The following FAM193A variants were observed in gnomAD, a reference collection of about 807,000 sequenced individuals.
FAM193A encodes protein FAM193A.
FAM193A carries 22 observed loss-of-function variants against 126.5 expected under a neutral mutation model. The ratio of observed to expected loss-of-function variants is 0.17; its 90% CI spans 0.12 to 0.25. The LOEUF (loss-of-function observed/expected upper bound fraction) is 0.25, where lower values mean the gene tolerates loss of function less well. Ranked by LOEUF, FAM193A falls within the 10% of genes least tolerant of loss-of-function variation. The probability of loss-of-function intolerance (pLI) is 1.00; values close to 1 mark genes in which losing one functional copy is unlikely to be tolerated. For missense variants in FAM193A, 1,675 were observed against 1,672.8 expected (o/e 1.00, Z -0.02); for synonymous variants, 761 against 646.8 (o/e 1.18, Z -2.68).
intron 1 of FAM193A, among the ~76,000 whole-genome samples, chr4:2,554,388 G>T (rs902981559): frequency 1.5e-4 from 23 of 152,048 alleles, no homozygotes; most frequent in African/African-American, 5.3e-4. Flanking sequence ...CCGGCCACCT[G>T]TATCTCTCTA....
chr4:2,578,187 T>C (rs919569947), intron 1 of FAM193A, among the ~76,000 whole-genome samples: 26 of 152,150 alleles, frequency 1.7e-4, no homozygotes, highest in African/African-American at 6.3e-4. Flanking sequence ...CACCTCAGCC[T>C]CCTTGAGTAG....
intron 1 of FAM193A, among the ~76,000 whole-genome samples, chr4:2,556,142 C>T (rs1382570928): frequency 4.0e-5 from 6 of 149,706 alleles, no homozygotes; most frequent in East Asian, 4.0e-4. Context: ...GTGATCCGTC[C>T]GCCTTGGCCT....
intron 1 of FAM193A, among the ~76,000 whole-genome samples, chr4:2,582,924 C>T (rs114167313): frequency 0.027 from 4,072 of 152,136 alleles, 186 homozygotes; most frequent in African/African-American, 0.092. Context: ...AAGTGTGTAG[C>T]GGTAGTGAGA....
chr4:2,666,126 G>A (rs191997694), intron 12 of FAM193A, among the ~76,000 whole-genome samples: 1 of 152,248 alleles, frequency 6.6e-6, no homozygotes, highest in East Asian at 1.9e-4. Flanking sequence ...TCAAGTATAG[G>A]TTTTTCATAG....
At position 2,581,891 on chromosome 4, in the gene FAM193A, G is replaced by A. The variant is rs181892026; in HGVS notation, c.256-14193G>A. Among the ~76,000 whole-genome samples, 490 of 150,130 alleles carry A rather than the reference G, an allele frequency of 3.3e-3. 3 individuals are homozygous for A. Among genetic ancestry groups the A allele is most frequent in the African/African-American group, 0.011 (468 of 40,858 alleles). ...GATGGTCTCAGTCTCCTGACCTCGTGATCTGCCTGCCTCGGCCTCCCAAAG... is the reference window on the plus strand; with the variant it reads ...GATGGTCTCAGTCTCCTGACCTCGTAATCTGCCTGCCTCGGCCTCCCAAAG... On this transcript the variant is annotated intron_variant, in intron 1 of 20. Transcript: ENST00000637812.
chr4:2,575,946 C>G (rs1421921523), intron 1 of FAM193A, among the ~76,000 whole-genome samples: 1 of 152,108 alleles, frequency 6.6e-6, no homozygotes, highest in Admixed American at 6.6e-5. Flanking sequence ...GGTCTCTGCC[C>G]TCAGGAGGCT....
intron 17 of FAM193A, among the ~76,000 whole-genome samples, chr4:2,695,343 T>G (rs1372177550): frequency 1.3e-5 from 2 of 152,184 alleles, no homozygotes; most frequent in Non-Finnish European, 2.9e-5. Flanking sequence ...AACTGGTAAA[T>G]CAGCAGTGAG....
intron 13 of FAM193A, among the ~76,000 whole-genome samples, chr4:2,684,062 A>G (rs576933342): frequency 1.3e-5 from 2 of 152,290 alleles, no homozygotes; most frequent in Admixed American, 6.5e-5. Flanking sequence ...CATGCTGTCT[A>G]CTTTTTCCAT....
chr4:2,597,527 G>T (rs1740934339), intron 2 of FAM193A, among the ~76,000 whole-genome samples: 1 of 152,158 alleles, frequency 6.6e-6, no homozygotes, highest in Non-Finnish European at 1.5e-5. Context: ...AAGTGCCTAT[G>T]GTTCCCTGCA....
chr4:2,627,614 G>C (rs1036665468), intron 4 of FAM193A, among the ~76,000 whole-genome samples: 20 of 121,332 alleles, frequency 1.6e-4, no homozygotes, highest in Non-Finnish European at 3.2e-4. Flanking sequence ...GTCTCACTCT[G>C]TCGCCCAGGC....
chr4:2,589,550 C>G (rs544889149), intron 1 of FAM193A, among the ~76,000 whole-genome samples: 49 of 152,240 alleles, frequency 3.2e-4, no homozygotes, highest in Non-Finnish European at 5.9e-4. Flanking sequence ...TTATAAATTG[C>G]TAGATATTTA....
intron 5 of FAM193A, among the ~76,000 whole-genome samples, chr4:2,638,421 G>T (rs1275710455): frequency 6.6e-6 from 1 of 152,206 alleles, no homozygotes; most frequent in East Asian, 1.9e-4. Context: ...CTCCTGCCAC[G>T]TGCATTTTTC....
rs759734987 is a variant in FAM193A at position 2,599,902 on chromosome 4, A to AT, written c.501+3588dup. ...AGGCATGCGCCATCACACCTGGCTA[A>AT]TTTTTTTTTTTTTTTAGAGACACAG... On this transcript the variant is annotated intron_variant, in intron 2 of 20. Transcript: ENST00000637812. Among the ~76,000 whole-genome samples the AT allele has an allele frequency of 3.0e-3, 423 of 142,888 alleles. 2 individuals are homozygous for AT. The highest frequency in any genetic ancestry group is 5.9e-3 in the African/African-American group (229 of 38,988). 93.7% of individuals were successfully genotyped at this position (142,888 alleles called of 152,430 possible).
At chr4:2,543,893 A>AAC (rs1737391532) in intron 1 of FAM193A, among the ~76,000 whole-genome samples, 1 of 143,506 alleles carries the variant, frequency 7.0e-6, no homozygotes, top group Non-Finnish European at 1.5e-5. Context: ...AAAAAAAAAA[A>AAC]AACCAAAAAA....
chr4:2,587,630 G>A (rs1269394920), intron 1 of FAM193A, among the ~76,000 whole-genome samples: 1 of 152,170 alleles, frequency 6.6e-6, no homozygotes, highest in African/African-American at 2.4e-5. Context: ...GGTGGTGGAG[G>A]TTGCAGCGAG....
At chr4:2,596,397 C>A in intron 2 of FAM193A, 68 bp downstream of exon 2, 2 of 665,560 alleles carry the variant, frequency 3.0e-6, no homozygotes, top group South Asian at 1.6e-5. Flanking sequence ...GGGTAACTGG[C>A]AGTGAAAGAA....
intron 5 of FAM193A, among the ~76,000 whole-genome samples, chr4:2,633,390 C>G (rs1376502751): frequency 6.6e-6 from 1 of 151,684 alleles, no homozygotes; most frequent in Non-Finnish European, 1.5e-5. Context: ...CAGAGCGAGA[C>G]TCTGTCTCAC....
intron 13 of FAM193A, among the ~76,000 whole-genome samples, chr4:2,676,387 G>A (rs1023917946): frequency 6.6e-6 from 1 of 152,192 alleles, no homozygotes; most frequent in African/African-American, 2.4e-5. Flanking sequence ...CAGATACATT[G>A]TAGTTTTGAT....
At chr4:2,553,388 T>G (rs1391110397) in intron 1 of FAM193A, among the ~76,000 whole-genome samples, 3 of 149,946 alleles carry the variant, frequency 2.0e-5, no homozygotes, top group East Asian at 3.9e-4. Context: ...TTTTGTTTTT[T>G]TTTTTTTTTT....
Sources: gnomAD v4.1 joint callset for allele counts (sites outside exome capture counted in the v4.1 genomes callset) on GRCh38, gnomAD v4.1.1 for gene constraint, MANE v1.5 for transcripts, NCBI Gene and HGNC (gene_info 2026-07-23, HGNC 2026-07-21) for gene names.